RTN4RL1: variants seen among roughly 807,000 people sequenced by gnomAD.
RTN4RL1 encodes reticulon 4 receptor like 1, also known as reticulon-4 receptor-like 1.
In RTN4RL1, 7 loss-of-function variants were observed where a neutral mutation model predicts 25.6. That is an observed-to-expected ratio of 0.27 (90% CI 0.16 to 0.51). RTN4RL1 has a LOEUF of 0.51. Among genes scored for constraint, RTN4RL1 ranks in the 20% least tolerant of loss-of-function variants. RTN4RL1 has a pLI of 0.97. For synonymous variants in RTN4RL1, 297 were observed against 288.2 expected, an observed-to-expected ratio of 1.03 and a Z score of -0.31; for missense variants, 500 against 615.6, an observed-to-expected ratio of 0.81 and a Z score of 1.99.
chr17:1,952,844 A>AG (rs1360183341), intron 1 of RTN4RL1, among the ~76,000 whole-genome samples: 4 of 150,986 alleles, frequency 2.6e-5, no homozygotes, highest in African/African-American at 4.9e-5. Context: ...TGGGAGGCTG[A>AG]GGGGGGTTGA....
At chr17:1,964,840 G>A (rs1481576428) in intron 1 of RTN4RL1, among the ~76,000 whole-genome samples, 2 of 144,248 alleles carry the variant, frequency 1.4e-5, no homozygotes, top group East Asian at 2.0e-4. Flanking sequence ...CAAGGCTGGA[G>A]TGCAGTGGCG....
chr17:1,994,029 G>GC lies in RTN4RL1; in HGVS notation c.13+30823dup, dbSNP rs1035085530. Among the ~76,000 whole-genome samples the GC allele has an allele frequency of 2.0e-4, 30 of 152,138 alleles. No individual in the cohort carries two copies. The highest frequency in any genetic ancestry group is 6.5e-4 in the African/African-American group (27 of 41,498). On this transcript the variant is annotated intron_variant, in intron 1 of 1. Coordinates refer to ENST00000331238, the MANE Select transcript of RTN4RL1 (RefSeq NM_178568.4). The surrounding 1 kb of genome is among the most constrained non-coding windows in gnomAD (Gnocchi z 4.3). ...ACAGCAGAACTGGTAGAAAAACAAAGCCCCCCAGTCCCCACCCCCGGCTAC... is the reference window on the plus strand; with the variant it reads ...ACAGCAGAACTGGTAGAAAAACAAAGCCCCCCCAGTCCCCACCCCCGGCTAC...
chr17:1,984,980 A>G (rs1169549745), intron 1 of RTN4RL1, among the ~76,000 whole-genome samples: 1 of 152,036 alleles, frequency 6.6e-6, no homozygotes, highest in Non-Finnish European at 1.5e-5. Context: ...AAAAAAAAAG[A>G]AAAAAGAAAA....
At chr17:1,947,253 T>G (rs1488259053) in intron 1 of RTN4RL1, among the ~76,000 whole-genome samples, 1 of 152,240 alleles carries the variant, frequency 6.6e-6, no homozygotes, top group Non-Finnish European at 1.5e-5. Flanking sequence ...GGCGGGCCTG[T>G]GTTTACATGT....
intron 1 of RTN4RL1, among the ~76,000 whole-genome samples, chr17:1,989,768 T>C (rs1197436115): frequency 2.0e-5 from 3 of 151,892 alleles, no homozygotes; most frequent in African/African-American, 4.8e-5. Flanking sequence ...GAGAGGGGGT[T>C]TCACCATTTT....
chr17:1,938,194 G>T (rs1270814874), intron 1 of RTN4RL1, among the ~76,000 whole-genome samples: 1 of 152,210 alleles, frequency 6.6e-6, no homozygotes, highest in Admixed American at 6.5e-5. Flanking sequence ...TGTGCCGCTG[G>T]TTGTTGTTAT....
At chr17:1,941,477 A>C (rs1597486190) in intron 1 of RTN4RL1, among the ~76,000 whole-genome samples, 1 of 152,016 alleles carries the variant, frequency 6.6e-6, no homozygotes, top group East Asian at 1.9e-4. Context: ...TCCCGGTCTC[A>C]AGGAAGAACA....
chr17:1,959,163 A>G (rs1015821052), intron 1 of RTN4RL1, among the ~76,000 whole-genome samples: 3 of 152,218 alleles, frequency 2.0e-5, no homozygotes, highest in Admixed American at 6.5e-5. Flanking sequence ...TTTCTGGCTG[A>G]GACCCTTATA....
chr17:1,967,805 A>G (rs2066799009), intron 1 of RTN4RL1, among the ~76,000 whole-genome samples: 2 of 152,014 alleles, frequency 1.3e-5, no homozygotes, highest in South Asian at 4.2e-4. Flanking sequence ...ACGCATGGAT[A>G]ATTTTTGTAA....
At chr17:1,968,086 T>C (rs1343536545) in intron 1 of RTN4RL1, among the ~76,000 whole-genome samples, 1 of 152,074 alleles carries the variant, frequency 6.6e-6, no homozygotes, top group Non-Finnish European at 1.5e-5. Context: ...GCACCTCTTC[T>C]CATTTTACCC....
intron 1 of RTN4RL1, among the ~76,000 whole-genome samples, chr17:2,010,229 G>T (rs948701473): frequency 1.0e-5 from 1 of 99,206 alleles, no homozygotes. Context: ...GGCCGATGTG[G>T]GTAGATCACT....
chr17:1,953,397 C>T (rs759603567), intron 1 of RTN4RL1, among the ~76,000 whole-genome samples: 5 of 151,898 alleles, frequency 3.3e-5, no homozygotes, highest in Non-Finnish European at 7.4e-5. Context: ...AGCGAGATCC[C>T]GTCTCAAAAA....
chr17:1,996,739 T>C (rs1459214128), intron 1 of RTN4RL1, among the ~76,000 whole-genome samples: 1 of 152,178 alleles, frequency 6.6e-6, no homozygotes, highest in Non-Finnish European at 1.5e-5. Context: ...AGATATCAGA[T>C]CTGAAATTGT....
intron 1 of RTN4RL1, among the ~76,000 whole-genome samples, chr17:1,961,435 G>A (rs1303310646): frequency 2.0e-5 from 3 of 152,188 alleles, no homozygotes; most frequent in African/African-American, 7.2e-5. Flanking sequence ...GGCCTCTCTA[G>A]TTTGCAATTT....
At chr17:1,961,172 G>A (rs1597496232) in intron 1 of RTN4RL1, among the ~76,000 whole-genome samples, 1 of 152,328 alleles carries the variant, frequency 6.6e-6, no homozygotes, top group African/African-American at 2.4e-5. Flanking sequence ...GCACTCGGAT[G>A]AAGCCATCTA....
chr17:2,015,419 C>T (rs1023652716), intron 1 of RTN4RL1, among the ~76,000 whole-genome samples: 4 of 152,260 alleles, frequency 2.6e-5, no homozygotes, highest in Admixed American at 6.5e-5. Flanking sequence ...AGTCAATGGC[C>T]GGCCACTGCA....
rs1915291073 is a variant in RTN4RL1, at chr17:1,935,805, T to G, written c.*691A>C. On this transcript the variant is annotated 3_prime_UTR_variant, in exon 2 of 2. Coordinates refer to ENST00000331238, the MANE Select transcript of RTN4RL1 (RefSeq NM_178568.4). Reference sequence around the variant, plus strand: ...ACGTAGTTAGTTATAAAACTGCACCTTCTGTGAGAACCTCATTGCCCGGGA... The same window carrying G: ...ACGTAGTTAGTTATAAAACTGCACCGTCTGTGAGAACCTCATTGCCCGGGA... The G allele has an allele frequency of 2.0e-6, 2 of 979,520 alleles. No individual in the cohort carries two copies. The highest frequency in any genetic ancestry group is 3.6e-5 in the African/African-American group (2 of 55,492). The allele number at this position is 979,520 out of a possible 1,614,324, so 60.7% of individuals were successfully genotyped here.
At chr17:1,969,574 C>T (rs928613647) in intron 1 of RTN4RL1, among the ~76,000 whole-genome samples, 1 of 152,202 alleles carries the variant, frequency 6.6e-6, no homozygotes, top group Non-Finnish European at 1.5e-5. Context: ...CGAACAGCCT[C>T]CAGTCAGGGC....
chr17:1,988,369 C>A, intron 1 of RTN4RL1, among the ~76,000 whole-genome samples: 1 of 128,202 alleles, frequency 7.8e-6, no homozygotes, highest in African/African-American at 3.0e-5. Flanking sequence ...GGCGTCACTG[C>A]ATTCCAGCCT....
Sources: gnomAD v4.1 joint callset for allele counts (sites outside exome capture counted in the v4.1 genomes callset) on GRCh38, gnomAD v4.1.1 for gene constraint, Gnocchi (gnomAD v3.1) non-coding constraint, MANE v1.5 for transcripts, NCBI Gene and HGNC (gene_info 2026-07-23, HGNC 2026-07-21) for gene names.